The following KIAA0930 variants were observed in gnomAD, a reference collection of about 807,000 sequenced individuals.
KIAA0930 encodes the protein uncharacterized protein KIAA0930.
Under a neutral mutation model 43.9 loss-of-function variants are expected in KIAA0930, and 24 were observed. That is an observed-to-expected ratio of 0.55 (90% confidence interval 0.40 to 0.77). The LOEUF (loss-of-function observed/expected upper bound fraction) is 0.77. Among genes scored for constraint, KIAA0930 ranks in the 30% least tolerant of loss-of-function variants. The pLI is 0.00. For synonymous variants in KIAA0930, 259 were observed against 216.4 expected (o/e 1.20, Z -1.73); for missense variants, 461 against 574.2 (o/e 0.80, Z 2.02).
At chr22:45,213,050 C>T (rs992415695) in intron 1 of KIAA0930, among the ~76,000 whole-genome samples, 3 of 152,158 alleles carry the variant, frequency 2.0e-5, no homozygotes, top group African/African-American at 7.2e-5. Flanking sequence ...TGCTGGTACT[C>T]GGGCTGGAAG....
intron 1 of KIAA0930, among the ~76,000 whole-genome samples, chr22:45,231,978 G>A (rs1184058728): frequency 6.6e-6 from 1 of 152,138 alleles, no homozygotes; most frequent in Non-Finnish European, 1.5e-5. Flanking sequence ...GTGACAGAGC[G>A]AGACTCCCTC....
chr22:45,225,152 G>A (rs1193284908), intron 1 of KIAA0930, among the ~76,000 whole-genome samples: 2 of 152,108 alleles, frequency 1.3e-5, no homozygotes, highest in Non-Finnish European at 2.9e-5. Context: ...CAGGCAGCCA[G>A]GGCTGGCTGA....
chr22:45,225,706 G>A (rs1457416323), intron 1 of KIAA0930, among the ~76,000 whole-genome samples: 3 of 152,182 alleles, frequency 2.0e-5, no homozygotes, highest in Non-Finnish European at 4.4e-5. Flanking sequence ...CCCTCGGGGT[G>A]CCTTCCTTAC....
intron 1 of KIAA0930, among the ~76,000 whole-genome samples, chr22:45,240,388 G>C (rs1046670904): frequency 6.6e-6 from 1 of 152,346 alleles, no homozygotes; most frequent in Admixed American, 6.5e-5. Flanking sequence ...CGGACTGACA[G>C]GGGGAGACGC....
intron 1 of KIAA0930, among the ~76,000 whole-genome samples, chr22:45,233,677 C>T (rs1490684251): frequency 5.3e-5 from 8 of 152,096 alleles, no homozygotes; most frequent in African/African-American, 1.9e-4. Context: ...GGCAGGACAG[C>T]CGGGTTTGGG....
chr22:45,218,653 G>A (rs2083748413), intron 1 of KIAA0930, among the ~76,000 whole-genome samples: 1 of 151,976 alleles, frequency 6.6e-6, no homozygotes, highest in African/African-American at 2.4e-5. Flanking sequence ...CACAAACCCA[G>A]CCCCTCCAAC....
intron 2 of KIAA0930, among the ~76,000 whole-genome samples, chr22:45,210,365 G>T (rs2083681810): frequency 6.6e-6 from 1 of 152,156 alleles, no homozygotes; most frequent in Non-Finnish European, 1.5e-5. Flanking sequence ...CCAGAACTGT[G>T]CAGAGGTGAG....
chr22:45,219,593 T>G lies in KIAA0930; in HGVS notation c.65-7486A>C, dbSNP rs1045987719. ...GCCAAGAGGTGATTGTTTTTTTTTT[T>G]TTTTTTTTTTTTTTTTTTAAGATGG... On this transcript the variant is annotated intron_variant, in intron 1 of 9. Transcript: ENST00000336156. Among the ~76,000 whole-genome samples the G allele has an allele frequency of 3.3e-3, 458 of 137,116 alleles. 1 individual carries two copies. Among genetic ancestry groups the G allele is most frequent in the Non-Finnish European group, 5.0e-3 (325 of 65,524 alleles). The allele number at this position is 137,116 out of a possible 152,430, so 90.0% of individuals were successfully genotyped here.
At chr22:45,207,044 T>C (rs11703850) in intron 2 of KIAA0930, among the ~76,000 whole-genome samples, 37,368 of 151,518 alleles carry the variant, frequency 0.25, 4,978 homozygotes, top group Non-Finnish European at 0.3. Flanking sequence ...TCTCGCTCTG[T>C]CACCCGGGCT....
chr22:45,218,991 A>G (rs1433419041), intron 1 of KIAA0930, among the ~76,000 whole-genome samples: 1 of 152,148 alleles, frequency 6.6e-6, no homozygotes, highest in East Asian at 1.9e-4. Flanking sequence ...TGCCAATTTA[A>G]CATAATTTAA....
At chr22:45,218,603 T>C (rs2083748080) in intron 1 of KIAA0930, among the ~76,000 whole-genome samples, 1 of 151,980 alleles carries the variant, frequency 6.6e-6, no homozygotes, top group Admixed American at 6.6e-5. Flanking sequence ...AACCAAAACT[T>C]GAGACTCTAG....
At chr22:45,218,333 A>ATTTTTTTTTTTTT (rs752298111) in intron 1 of KIAA0930, among the ~76,000 whole-genome samples, 8 of 51,710 alleles carry the variant, frequency 1.5e-4, no homozygotes, top group Non-Finnish European at 2.0e-4. Flanking sequence ...AATTTTTTTG[A>ATTTTTTTTTTTTT]TTTTTTTTTT....
chr22:45,238,086 A>C (rs937443122), intron 1 of KIAA0930, among the ~76,000 whole-genome samples: 1 of 151,296 alleles, frequency 6.6e-6, no homozygotes, highest in South Asian at 2.1e-4. Context: ...ACGCCTGGCT[A>C]ATTTTTTTTT....
chr22:45,207,096 T>A (rs1412364950), intron 2 of KIAA0930, among the ~76,000 whole-genome samples: 2 of 151,686 alleles, frequency 1.3e-5, no homozygotes, highest in African/African-American at 2.4e-5. Context: ...AACCTCTACC[T>A]CCTGGGTTCA....
chr22:45,205,770 G>GCGGCCCCC, intron 3 of KIAA0930, 23 bp downstream of exon 3: 8 of 1,523,760 alleles, frequency 5.3e-6, no homozygotes, highest in East Asian at 2.3e-5. Context: ...CCAATCCGCA[G>GCGGCCCCC]CCCCACCCAT....
chr22:45,203,293 T>A, intron 6 of KIAA0930, 109 bp from the exon 7 acceptor site: 1 of 1,142,372 alleles, frequency 8.8e-7, no homozygotes, highest in Non-Finnish European at 1.2e-6. Flanking sequence ...GAGCGGGGGC[T>A]GCCCGGGAGG....
At chr22:45,234,457 A>G (rs11703669) in intron 1 of KIAA0930, among the ~76,000 whole-genome samples, 57,052 of 151,826 alleles carry the variant, frequency 0.38, 12,132 homozygotes, top group South Asian at 0.5. Context: ...TGCCCTCAGC[A>G]GGGACGCCCA....
chr22:45,220,859 G>A (rs1217592513), intron 1 of KIAA0930, among the ~76,000 whole-genome samples: 4 of 152,152 alleles, frequency 2.6e-5, no homozygotes, highest in Non-Finnish European at 5.9e-5. Context: ...GGGATTACAC[G>A]TGTGAGCCAC....
chr22:45,205,503 A>C, intron 4 of KIAA0930, 127 bp downstream of exon 4: 1 of 963,976 alleles, frequency 1.0e-6, no homozygotes, highest in East Asian at 2.5e-5. Flanking sequence ...CCAGGAGCTG[A>C]GCAGATTTCT....
Sources: allele counts gnomAD v4.1 joint callset (sites outside exome capture counted in the v4.1 genomes callset), GRCh38; gene constraint gnomAD v4.1.1; transcripts MANE v1.5; gene names NCBI Gene and HGNC (gene_info 2026-07-23, HGNC 2026-07-21).